Variants in KHDRBS2 observed in about 807,000 individuals in gnomAD.
The protein encoded by KHDRBS2 is KH RNA binding domain containing, signal transduction associated 2, also known as KH domain-containing, RNA-binding, signal transduction-associated protein 2.
A neutral mutation model predicts 44.3 loss-of-function variants in KHDRBS2; 26 were observed. The observed-to-expected ratio is 0.59, with a 90% CI of 0.43 to 0.81. KHDRBS2 has a LOEUF of 0.81. KHDRBS2 is among the 40% of genes least tolerant of loss of function. The pLI, the probability that KHDRBS2 is intolerant of heterozygous loss-of-function variation, is 0.00. For missense variants in KHDRBS2, 476 were observed against 433.1 expected (o/e 1.10, Z -0.88); for synonymous variants, 194 against 151.1 (o/e 1.28, Z -2.08).
intron 4 of KHDRBS2, among the ~76,000 whole-genome samples, chr6:61,932,481 C>T (rs891489540): frequency 1.2e-4 from 18 of 152,132 alleles, no homozygotes; most frequent in Admixed American, 6.5e-4. Flanking sequence ...TCCGTGAGAT[C>T]AACATTTTTA....
At chr6:61,881,279 A>G (rs1406659884) in intron 6 of KHDRBS2, among the ~76,000 whole-genome samples, 1 of 151,724 alleles carries the variant, frequency 6.6e-6, no homozygotes, top group African/African-American at 2.4e-5. Context: ...AAAGTCAGCA[A>G]ATCTATGATT....
intron 6 of KHDRBS2, among the ~76,000 whole-genome samples, chr6:61,860,749 T>C (rs1796829085): frequency 6.6e-6 from 1 of 152,116 alleles, no homozygotes; most frequent in African/African-American, 2.4e-5. Context: ...ATGAAATTGC[T>C]GGGTCGAATG....
chr6:61,606,471 GA>G, the KHDRBS2 span, among the ~76,000 whole-genome samples: 2 of 152,104 alleles, frequency 1.3e-5, no homozygotes. Flanking sequence ...AGAAACAGGA[GA>G]AAAGGCATAA....
chr6:62,020,361 C>T (rs767674534), intron 3 of KHDRBS2, among the ~76,000 whole-genome samples: 10 of 151,900 alleles, frequency 6.6e-5, no homozygotes, highest in Admixed American at 2.0e-4. Flanking sequence ...TTTTATCACC[C>T]AGAATGTGGT....
chr6:62,012,222 C>T (rs924612868), intron 3 of KHDRBS2, among the ~76,000 whole-genome samples: 1 of 152,194 alleles, frequency 6.6e-6, no homozygotes, highest in African/African-American at 2.4e-5. Context: ...CACTCTTCCT[C>T]ATTAACTATA....
At chr6:61,772,695 T>C (rs1781157909) in intron 6 of KHDRBS2, among the ~76,000 whole-genome samples, 1 of 152,148 alleles carries the variant, frequency 6.6e-6, no homozygotes, top group Admixed American at 6.6e-5. Context: ...AATGTGCACA[T>C]TAGTTACATA....
chr6:61,998,409 A>G (rs1777622620), intron 3 of KHDRBS2, among the ~76,000 whole-genome samples: 1 of 152,130 alleles, frequency 6.6e-6, no homozygotes, highest in Non-Finnish European at 1.5e-5. Flanking sequence ...GATTCCCTCT[A>G]GCAAAATGAG....
rs1789278492 is a variant in KHDRBS2, at chr6:61,818,148, C to A, written c.810+76487G>T. 4.0e-5 allele frequency among the ~76,000 whole-genome samples: 6 copies of A among 151,548 alleles called. 1 individual carries two copies. In the South Asian group the frequency reaches 1.2e-3, roughly 31 times the overall value. ...AATATCTACTATGATAAGTAAGATG[C>A]AACTCTACTGTTCTTCACATCAGTT... On this transcript the variant is annotated intron_variant, in intron 6 of 8. Transcript: ENST00000281156.
intron 2 of KHDRBS2, among the ~76,000 whole-genome samples, chr6:62,058,195 G>T (rs1440215126): frequency 2.0e-5 from 3 of 151,798 alleles, no homozygotes; most frequent in Admixed American, 2.0e-4. Context: ...CACTGAAACT[G>T]TATCTGCTAT....
intron 4 of KHDRBS2, among the ~76,000 whole-genome samples, chr6:61,943,518 A>G (rs1304985348): frequency 6.6e-6 from 1 of 152,198 alleles, no homozygotes; most frequent in Non-Finnish European, 1.5e-5. Context: ...CACTTAAAAG[A>G]TACAGACTGG....
chr6:62,234,897 CA>C (rs780737561), intron 1 of KHDRBS2, among the ~76,000 whole-genome samples: 65 of 151,602 alleles, frequency 4.3e-4, no homozygotes, highest in Non-Finnish European at 8.4e-4. Context: ...TATTCTGCAC[CA>C]AAACTCAAAT....
chr6:61,685,152 G>T (rs1766687715), intron 8 of KHDRBS2, among the ~76,000 whole-genome samples: 1 of 151,746 alleles, frequency 6.6e-6, no homozygotes, highest in Non-Finnish European at 1.5e-5. Context: ...AGTTGAACTT[G>T]CATTGAACTC....
chr6:61,702,629 A>T (rs1342024505), intron 7 of KHDRBS2, among the ~76,000 whole-genome samples: 1 of 151,954 alleles, frequency 6.6e-6, no homozygotes, highest in African/African-American at 2.4e-5. Flanking sequence ...ATCTTAGAAC[A>T]TTTTAAAGGA....
chr6:61,879,753 A>G (rs1473105640), intron 6 of KHDRBS2, among the ~76,000 whole-genome samples: 1 of 151,908 alleles, frequency 6.6e-6, no homozygotes, highest in Non-Finnish European at 1.5e-5. Context: ...TTGTTCATCC[A>G]TTTTAAATTA....
chr6:62,003,526 A>G (rs1778657935), intron 3 of KHDRBS2, among the ~76,000 whole-genome samples: 1 of 152,092 alleles, frequency 6.6e-6, no homozygotes, highest in Non-Finnish European at 1.5e-5. Flanking sequence ...GCAAGTCCTT[A>G]GAGACCTACA....
chr6:61,768,807 A>T (rs1225139513), intron 6 of KHDRBS2, among the ~76,000 whole-genome samples: 1 of 151,970 alleles, frequency 6.6e-6, no homozygotes, highest in East Asian at 1.9e-4. Flanking sequence ...CCGATCATTT[A>T]CCTGATTTTT....
At position 61,894,778 on chromosome 6, in the gene KHDRBS2, G is replaced by A. The variant is rs1463377443; in HGVS notation, c.667C>T (p.Pro223Ser). 6.2e-7 allele frequency: 1 copy of A among 1,613,316 alleles called. No individual in the cohort carries two copies. Among genetic ancestry groups the A allele is most frequent in the Non-Finnish European group, 8.5e-7 (1 of 1,179,762 alleles). The change falls in exon 6 of 9, where the codon CCT (proline) becomes TCT (serine). Residue 223 changes from proline (P) to serine (S), a missense_variant. Transcript: ENST00000281156. ...CCACGGGTTACAGTGCTTCCCCGAGGGGTGAGAACACCTCGTCCAGGTGGT... is the reference window on the plus strand; with the variant it reads ...CCACGGGTTACAGTGCTTCCCCGAGAGGTGAGAACACCTCGTCCAGGTGGT... The part of the protein sequence containing the change: ...PPPPGRGVLT[P>S]RGSTVTRGAL...
At chr6:62,130,103 T>C (rs1175807359) in intron 2 of KHDRBS2, among the ~76,000 whole-genome samples, 1 of 152,336 alleles carries the variant, frequency 6.6e-6, no homozygotes, top group East Asian at 1.9e-4. Context: ...GACACAGCTA[T>C]GTCTATGAAA....
chr6:62,188,436 C>T (rs975261373), intron 1 of KHDRBS2, among the ~76,000 whole-genome samples: 7 of 152,032 alleles, frequency 4.6e-5, no homozygotes, highest in African/African-American at 1.4e-4. Flanking sequence ...GCATAATGTC[C>T]TCCAGGTCCA....
Sources: allele counts gnomAD v4.1 joint callset (sites outside exome capture counted in the v4.1 genomes callset), GRCh38; gene constraint gnomAD v4.1.1; transcripts MANE v1.5; gene names NCBI Gene and HGNC (gene_info 2026-07-23, HGNC 2026-07-21).